Variants in ZNF536 observed in about 807,000 individuals in gnomAD.
ZNF536 encodes zinc finger protein 536.
A neutral mutation model predicts 84.5 loss-of-function variants in ZNF536; 13 were observed. The observed-to-expected ratio is 0.15, with a 90% confidence interval of 0.10 to 0.24. ZNF536 has a LOEUF of 0.24. Among genes scored for constraint, ZNF536 ranks in the 10% least tolerant of loss-of-function variants. The pLI is 1.00. For synonymous variants in ZNF536, 811 were observed against 742.5 expected (o/e 1.09, Z -1.50); for missense variants, 1,536 against 1,747.5 (o/e 0.88, Z 2.16).
intron 2 of ZNF536, among the ~76,000 whole-genome samples, chr19:30,294,196 G>T (rs944325821): frequency 1.3e-5 from 2 of 152,202 alleles, no homozygotes; most frequent in Admixed American, 6.5e-5. Flanking sequence ...GGAGCTTGCT[G>T]CCCAGAGGAG....
chr19:30,360,290 A>C (rs1176717705), intron 3 of ZNF536, among the ~76,000 whole-genome samples: 2 of 152,210 alleles, frequency 1.3e-5, no homozygotes, highest in Non-Finnish European at 2.9e-5. Context: ...TCCTGTTCAC[A>C]TGCAACATGG....
At chr19:30,302,246 G>T (rs1344350001) in intron 2 of ZNF536, among the ~76,000 whole-genome samples, 1 of 152,122 alleles carries the variant, frequency 6.6e-6, no homozygotes, top group South Asian at 2.1e-4. Flanking sequence ...GCAAGTCCTC[G>T]GGAGATGGGA....
At chr19:30,573,369 A>G (rs1440523040) in intron 1 of ZNF536, among the ~76,000 whole-genome samples, 1 of 152,210 alleles carries the variant, frequency 6.6e-6, no homozygotes, top group Non-Finnish European at 1.5e-5. Flanking sequence ...TACCAGGCTC[A>G]TTCTGCTACC....
At chr19:30,331,388 T>C (rs573775395) in intron 2 of ZNF536, among the ~76,000 whole-genome samples, 11 of 151,532 alleles carry the variant, frequency 7.3e-5, no homozygotes, top group African/African-American at 2.4e-4. Context: ...CTATAAATCT[T>C]AGATCTCTTC....
In ZNF536 at chr19:30,675,155, G is replaced by A. The variant is rs1020231770; in HGVS notation, c.170-35602G>A. Among the ~76,000 whole-genome samples, 12 of 152,204 alleles carry A rather than the reference G, an allele frequency of 7.9e-5. No homozygotes were observed. In the South Asian group the frequency reaches 2.1e-3, roughly 26 times the overall value. Reference sequence around the variant, plus strand: ...TTATTGATCTTGGAATCCGTTTGCCGCACCTCTAAGGAACTGGATATGCCA... The same window carrying A: ...TTATTGATCTTGGAATCCGTTTGCCACACCTCTAAGGAACTGGATATGCCA... On this transcript the variant is annotated intron_variant, in intron 1 of 1. Coordinates refer to the ZNF536 transcript ENST00000592773.
Position 30,335,542 on chromosome 19 carries a change from G to A in ZNF536, c.-119-16826G>A, listed in dbSNP as rs556512017. ...ACGTGTTCAGCAGGTGCTGAGCTACGCGGTGGGTGTCTGGTCTCCTGAACT... is the reference window on the plus strand; with the variant it reads ...ACGTGTTCAGCAGGTGCTGAGCTACACGGTGGGTGTCTGGTCTCCTGAACT... On this transcript the variant is annotated intron_variant, in intron 2 of 5. Coordinates refer to the ZNF536 transcript ENST00000585628. Among the ~76,000 whole-genome samples the A allele has an allele frequency of 6.6e-5, 10 of 152,224 alleles. No individual in the cohort carries two copies. In the East Asian group the frequency reaches 1.4e-3, roughly 21 times the overall value.
chr19:30,443,746 G>T lies in ZNF536; in HGVS notation c.184G>T (p.Ala62Ser), dbSNP rs766395032. 1.9e-6 allele frequency: 3 copies of T among 1,612,770 alleles called. No homozygotes were observed. The highest frequency in any genetic ancestry group is 2.5e-6 in the Non-Finnish European group (3 of 1,179,554). ...GCCCAACCCCGAGGAGAAGCCCCCC[G>T]CATCCCTGGAGGAGAAGGCCCACGT... Reference protein sequence around the residue: ...PRPNPEEKPPASLEEKAHVPM... With the variant: ...PRPNPEEKPPSSLEEKAHVPM... Residue 62 changes from alanine (A) to serine (S), a missense_variant, in exon 2 of 5, where the codon GCA (alanine) becomes TCA (serine). By Grantham distance (99) the Ala-to-Ser change is moderately conservative. Coordinates refer to ENST00000355537, the MANE Select transcript of ZNF536 (RefSeq NM_014717.3).
intron 1 of ZNF536, among the ~76,000 whole-genome samples, chr19:30,705,959 A>G (rs368747356): frequency 6.6e-6 from 1 of 152,338 alleles, no homozygotes. Flanking sequence ...ATCATGATTA[A>G]TATTTTAAAA....
chr19:30,478,460 G>T (rs939487433), intron 2 of ZNF536, among the ~76,000 whole-genome samples: 5 of 151,978 alleles, frequency 3.3e-5, no homozygotes, highest in African/African-American at 1.2e-4. Flanking sequence ...TCAGATGGGG[G>T]GATCCTAGTG....
At chr19:30,249,377 AG>A (rs1481563109) in intron 1 of ZNF536, among the ~76,000 whole-genome samples, 1 of 127,714 alleles carries the variant, frequency 7.8e-6, no homozygotes, top group South Asian at 3.0e-4. Flanking sequence ...GACAAGGAGG[AG>A]GGGGAGGAGG....
intron 1 of ZNF536, among the ~76,000 whole-genome samples, chr19:30,631,390 A>G (rs1271546207): frequency 6.6e-6 from 1 of 152,162 alleles, no homozygotes; most frequent in Admixed American, 6.5e-5. Flanking sequence ...GCAGGCCGAG[A>G]GGCTGGCCCA....
chr19:30,281,944 T>G (rs2045462304), intron 1 of ZNF536, among the ~76,000 whole-genome samples: 1 of 152,140 alleles, frequency 6.6e-6, no homozygotes, highest in Non-Finnish European at 1.5e-5. Flanking sequence ...CCAGGCTGCT[T>G]CTGGTTATGC....
At chr19:30,277,288 G>C (rs1285645636) in intron 1 of ZNF536, among the ~76,000 whole-genome samples, 7 of 152,118 alleles carry the variant, frequency 4.6e-5, no homozygotes, top group Non-Finnish European at 8.8e-5. Context: ...TGAGCATCTT[G>C]GCTTTTTTTC....
intron 2 of ZNF536, among the ~76,000 whole-genome samples, chr19:30,309,461 A>G (rs1462239444): frequency 1.3e-5 from 2 of 152,218 alleles, no homozygotes; most frequent in African/African-American, 2.4e-5. Flanking sequence ...CTGCTGCCTC[A>G]GCACACTTTT....
At chr19:30,519,511 C>T (rs1261383083) in intron 2 of ZNF536, among the ~76,000 whole-genome samples, 1 of 152,150 alleles carries the variant, frequency 6.6e-6, no homozygotes, top group Non-Finnish European at 1.5e-5. Context: ...ACTGATGGAC[C>T]ACAAGGGAAT....
intron 2 of ZNF536, among the ~76,000 whole-genome samples, chr19:30,315,802 G>A (rs1004760171): frequency 6.6e-6 from 1 of 152,056 alleles, no homozygotes; most frequent in Admixed American, 6.5e-5. Flanking sequence ...TGTGTAGGGT[G>A]AATATTCACA....
intron 1 of ZNF536, among the ~76,000 whole-genome samples, chr19:30,232,848 A>T (rs2023174774): frequency 6.6e-6 from 1 of 152,132 alleles, no homozygotes; most frequent in African/African-American, 2.4e-5. Context: ...CTTCTACCCC[A>T]CTAGATGCCA....
chr19:30,575,627 G>A (rs1472348657), intron 1 of ZNF536, among the ~76,000 whole-genome samples: 14 of 152,230 alleles, frequency 9.2e-5, no homozygotes, highest in Admixed American at 9.2e-4. Flanking sequence ...GCAGCTCACA[G>A]TCTAGAGGGC....
chr19:30,690,201 A>C (rs540195720), intron 1 of ZNF536, among the ~76,000 whole-genome samples: 1 of 152,340 alleles, frequency 6.6e-6, no homozygotes, highest in East Asian at 1.9e-4. Context: ...AATGGGGAAC[A>C]AATGCCGGTA....
Sources: gnomAD v4.1 joint callset for allele counts (sites outside exome capture counted in the v4.1 genomes callset) on GRCh38, gnomAD v4.1.1 for gene constraint, MANE v1.5 for transcripts, NCBI Gene and HGNC (gene_info 2026-07-23, HGNC 2026-07-21) for gene names.